Variants in PIP5K1A observed in about 807,000 individuals in gnomAD.
PIP5K1A encodes the protein phosphatidylinositol 4-phosphate 5-kinase type-1 alpha.
A neutral mutation model predicts 72.9 loss-of-function variants in PIP5K1A; 46 were observed. The ratio of observed to expected loss-of-function variants is 0.63; its 90% CI spans 0.50 to 0.81. The LOEUF is 0.81. Ranked by LOEUF, PIP5K1A falls within the 30% of genes least tolerant of loss-of-function variation. The pLI, the probability that PIP5K1A is intolerant of heterozygous loss-of-function variation, is 0.00. For missense variants in PIP5K1A, 458 were observed against 706.1 expected (o/e 0.65, Z 3.98); for synonymous variants, 228 against 255.1 (o/e 0.89, Z 1.01).
chr1:151,246,529 C>G (rs1349168456), intron 14 of PIP5K1A, among the ~76,000 whole-genome samples: 1 of 152,094 alleles, frequency 6.6e-6, no homozygotes, highest in Non-Finnish European at 1.5e-5. Flanking sequence ...AATCTAATCT[C>G]AGAATGGACA....
chr1:151,233,119 T>G (rs1046403131), intron 7 of PIP5K1A, among the ~76,000 whole-genome samples: 1 of 121,056 alleles, frequency 8.3e-6, no homozygotes, highest in African/African-American at 3.0e-5. Context: ...AAAAAAAAAA[T>G]GTTGTTCAGT....
chr1:151,198,006 C>G (rs779111581), upstream of PIP5K1A: 2 of 469,332 alleles, frequency 4.3e-6, no homozygotes, highest in South Asian at 3.1e-5. Context: ...TTTGACAGGT[C>G]TTCACTGATT....
At chr1:151,245,221 C>T (rs989417633) in intron 14 of PIP5K1A, among the ~76,000 whole-genome samples, 2 of 152,100 alleles carry the variant, frequency 1.3e-5, no homozygotes, top group East Asian at 1.9e-4. Flanking sequence ...TGGAAATCTC[C>T]GTAGCTAGAT....
At chr1:151,234,174 T>A (rs1165134162) in intron 7 of PIP5K1A, 23 bp from the exon 8 acceptor site, 1 of 1,563,188 alleles carries the variant, frequency 6.4e-7, no homozygotes, top group Non-Finnish European at 8.7e-7. Context: ...TTCTCCTACT[T>A]CTGTTTCCTT....
intron 1 of PIP5K1A, among the ~76,000 whole-genome samples, chr1:151,222,245 C>CT (rs1362476090): frequency 6.6e-6 from 1 of 152,216 alleles, no homozygotes. Context: ...CTGCTCCTCT[C>CT]TTTGTCACTT....
At chr1:151,210,217 A>C (rs1401174280) in intron 1 of PIP5K1A, among the ~76,000 whole-genome samples, 1 of 140,774 alleles carries the variant, frequency 7.1e-6, no homozygotes, top group Non-Finnish European at 1.5e-5. Flanking sequence ...TTTCCTCGAG[A>C]CTGGATCTCA....
At chr1:151,239,269 CTTTTTTCTTTTTTT>C in intron 11 of PIP5K1A, 91 bp downstream of exon 11, 5 of 789,430 alleles carry the variant, frequency 6.3e-6, no homozygotes, top group Middle Eastern at 7.3e-4. Context: ...TTTCTTTTTT[CTTTTTTCTTTTTTT>C]TTTTTTTGAG....
At chr1:151,242,076 A>C (rs1691816527) in intron 12 of PIP5K1A, 47 bp from the exon 13 acceptor site, 1 of 1,597,812 alleles carries the variant, frequency 6.3e-7, no homozygotes, top group South Asian at 1.1e-5. Flanking sequence ...TCTTGGTAAT[A>C]GTTGCTAAGG....
chr1:151,220,970 C>A (rs1012994577), intron 1 of PIP5K1A, among the ~76,000 whole-genome samples: 4 of 152,172 alleles, frequency 2.6e-5, no homozygotes, highest in Non-Finnish European at 5.9e-5. Flanking sequence ...GTGGTATTGT[C>A]ACATCTATAA....
intron 1 of PIP5K1A, among the ~76,000 whole-genome samples, chr1:151,204,924 A>G (rs1035145460): frequency 1.3e-5 from 2 of 152,222 alleles, no homozygotes; most frequent in Admixed American, 6.5e-5. Context: ...TCAAAATAGT[A>G]CGTTTTGCTT....
upstream of PIP5K1A, chr1:151,198,526 A>G: frequency 5.2e-6 from 1 of 191,786 alleles, no homozygotes; most frequent in South Asian, 8.1e-5. Flanking sequence ...ATGCCCCGAG[A>G]AGGTCGGGCG....
chr1:151,201,202 AAAG>A (rs954954557), intron 1 of PIP5K1A, among the ~76,000 whole-genome samples: 2 of 152,198 alleles, frequency 1.3e-5, no homozygotes, highest in Non-Finnish European at 2.9e-5. Flanking sequence ...CCCAACCCAG[AAAG>A]AAGAAGGGTT....
chr1:151,234,484 G>T lies in PIP5K1A; in HGVS notation c.927G>T (p.Gln309His), dbSNP rs145572106. Residue 309 changes from glutamine (Q) to histidine (H), a missense_variant, in exon 8 of 16, where the codon CAG (glutamine) becomes CAT (histidine). By Grantham distance (24) the Gln-to-His change is conservative. Coordinates refer to ENST00000368888, the MANE Select transcript of PIP5K1A (RefSeq NM_001135638.2). Reference protein sequence around the residue: ...DMYNALCKTLQRDCLVLQSFK... With the variant: ...DMYNALCKTLHRDCLVLQSFK... ...ACAACGCTCTCTGTAAGACCCTGCA[G>T]CGTGACTGTTTGGTGAGTTTGTTAC... is the stretch of plus-strand genomic sequence containing the variant. 4 of 1,613,718 alleles carry T rather than the reference G, an allele frequency of 2.5e-6. No individual in the cohort carries two copies. Among genetic ancestry groups the T allele is most frequent in the Non-Finnish European group, 3.4e-6 (4 of 1,179,754 alleles).
At chr1:151,215,064 C>G (rs1687385076) in intron 1 of PIP5K1A, among the ~76,000 whole-genome samples, 1 of 128,906 alleles carries the variant, frequency 7.8e-6, no homozygotes, top group South Asian at 2.5e-4. Flanking sequence ...GAGTTTTGCT[C>G]TCGTTGCCCA....
chr1:151,212,637 T>C (rs1686986801), intron 1 of PIP5K1A, among the ~76,000 whole-genome samples: 1 of 152,056 alleles, frequency 6.6e-6, no homozygotes, highest in Admixed American at 6.6e-5. Context: ...TACAGTGGCA[T>C]GATCTCTGCT....
upstream of PIP5K1A, chr1:151,198,425 G>T: frequency 4.0e-6 from 1 of 247,474 alleles, no homozygotes; most frequent in Admixed American, 5.3e-5. Context: ...TTCCACCCGT[G>T]GACTCGTCAG....
At chr1:151,230,905 G>A (rs1219945872) in intron 4 of PIP5K1A, among the ~76,000 whole-genome samples, 2 of 152,174 alleles carry the variant, frequency 1.3e-5, no homozygotes, top group Non-Finnish European at 2.9e-5. Context: ...AGTTTCTGCC[G>A]CCAGGCAGTC....
At chr1:151,219,557 T>G (rs1268610636) in intron 1 of PIP5K1A, among the ~76,000 whole-genome samples, 2 of 144,352 alleles carry the variant, frequency 1.4e-5, no homozygotes, top group Non-Finnish European at 3.0e-5. Context: ...AGCTGGGTGT[T>G]GTGGTGCGTG....
At chr1:151,240,471 T>A (rs1040711847) in intron 12 of PIP5K1A, among the ~76,000 whole-genome samples, 5 of 152,224 alleles carry the variant, frequency 3.3e-5, no homozygotes, top group Non-Finnish European at 7.4e-5. Context: ...GTTTTTAGTC[T>A]CTTTTCTCAA....
Sources: gnomAD v4.1 joint callset for allele counts (sites outside exome capture counted in the v4.1 genomes callset) on GRCh38, gnomAD v4.1.1 for gene constraint, MANE v1.5 for transcripts, NCBI Gene and HGNC (gene_info 2026-07-23, HGNC 2026-07-21) for gene names.